The following PAPLN variants were observed in gnomAD, a reference collection of about 807,000 sequenced individuals.
The protein encoded by PAPLN is papilin.
Under a neutral mutation model 159.0 loss-of-function variants are expected in PAPLN, and 146 were observed. The observed-to-expected ratio is 0.92, with a 90% confidence interval of 0.80 to 1.05. The LOEUF is 1.05. Ranked by LOEUF, PAPLN falls within the 50% of genes least tolerant of loss-of-function variation. The probability of loss-of-function intolerance (pLI) is 0.00; values close to 1 mark genes in which losing one functional copy is unlikely to be tolerated. For missense variants in PAPLN, 1,720 were observed against 1,743.9 expected (o/e 0.99, Z 0.24); for synonymous variants, 734 against 702.9 (o/e 1.04, Z -0.70).
At chr14:73,259,645 G>A (rs1886338788) in intron 16 of PAPLN, 100 bp downstream of exon 16, 13 of 1,363,304 alleles carry the variant, frequency 9.5e-6, no homozygotes, top group Admixed American at 3.4e-5. Flanking sequence ...GCTGGGGTGG[G>A]TGTGCAGAGC....
intron 5 of PAPLN, among the ~76,000 whole-genome samples, chr14:73,246,613 C>A (rs1486812394): frequency 6.7e-6 from 1 of 148,762 alleles, no homozygotes; most frequent in Non-Finnish European, 1.5e-5. Context: ...CCTTTCCTTT[C>A]CTTTTTTTCT....
intron 25 of PAPLN, 180 bp from the exon 26 acceptor site, chr14:73,268,377 C>A: frequency 1.7e-6 from 1 of 574,474 alleles, no homozygotes; most frequent in Non-Finnish European, 2.9e-6. Context: ...GGGGCACCAT[C>A]ATCACCCAGT....
At position 73,245,539 on chromosome 14, in the gene PAPLN, G is replaced by A; in HGVS notation, c.171-97G>A. The A allele has an allele frequency of 1.5e-6, 2 of 1,361,902 alleles. No homozygotes were observed. Among genetic ancestry groups the A allele is most frequent in the East Asian group, 2.5e-5 (1 of 39,582 alleles). The allele number at this position is 1,361,902 out of a possible 1,614,324, so 84.4% of individuals were successfully genotyped here. On this transcript the variant is annotated intron_variant, in intron 3 of 26. Coordinates refer to ENST00000644200, the MANE Select transcript of PAPLN (RefSeq NM_001365906.3). This position sits in a 1 kb window ranked among gnomAD's most constrained non-coding sequence, Gnocchi z 4.2. The stretch of plus-strand genomic sequence containing the variant: ...ACCCTCTCACCTTGCTGCTCCCACT[G>A]GAGAGTCCCGCAGAAGTTGGGGCCT...
chr14:73,257,414 G>GC (rs1288424479), intron 14 of PAPLN, among the ~76,000 whole-genome samples: 1 of 151,108 alleles, frequency 6.6e-6, no homozygotes, highest in Admixed American at 6.6e-5. Context: ...TATTTCAGGG[G>GC]GGGTCCTACA....
At position 73,245,915 on chromosome 14, in the gene PAPLN, C is replaced by A; in HGVS notation, c.232-158C>A. 1.1e-6 allele frequency: 1 copy of A among 881,688 alleles called. No homozygotes were observed. Among genetic ancestry groups the A allele is most frequent in the Non-Finnish European group, 1.7e-6 (1 of 597,022 alleles). 54.6% of individuals were successfully genotyped at this position (881,688 alleles called of 1,614,324 possible). Reference sequence around the variant, plus strand: ...GCCTAGAGCACCATGGAGGGGCACGCACAGGAGTTCGGGGGTCCGGGGGGC... The same window carrying A: ...GCCTAGAGCACCATGGAGGGGCACGAACAGGAGTTCGGGGGTCCGGGGGGC... On this transcript the variant is annotated intron_variant, in intron 4 of 26. Coordinates refer to ENST00000644200, the MANE Select transcript of PAPLN (RefSeq NM_001365906.3). The surrounding 1 kb of genome is among the most constrained non-coding windows in gnomAD (Gnocchi z 4.2).
chr14:73,269,731 C>T (rs1887532614), intron 26 of PAPLN, among the ~76,000 whole-genome samples: 3 of 152,228 alleles, frequency 2.0e-5, no homozygotes, highest in Non-Finnish European at 4.4e-5. Flanking sequence ...CCAATTCTCA[C>T]AGGCCTGATA....
In PAPLN at chr14:73,245,830, C is replaced by T. The variant is rs1884190597; in HGVS notation, c.231+134C>T. On this transcript the variant is annotated intron_variant, in intron 4 of 26. Transcript: ENST00000644200. The surrounding 1 kb of genome is among the most constrained non-coding windows in gnomAD (Gnocchi z 4.2). ...CTGGGGTCCTCCCGCCAATCCACAG[C>T]AGGGCTGCGTGGGGGCCCCTTCCTC... 1 of 1,217,766 alleles carries T rather than the reference C, an allele frequency of 8.2e-7. No individual in the cohort carries two copies. The highest frequency in any genetic ancestry group is 1.1e-6 in the Non-Finnish European group (1 of 880,754). The allele number at this position is 1,217,766 out of a possible 1,614,324, so 75.4% of individuals were successfully genotyped here. A position where few individuals can be genotyped will look rare whatever the true frequency, so the allele number is the denominator to read the frequency against.
upstream of PAPLN, among the ~76,000 whole-genome samples, chr14:73,237,057 G>A (rs959283307): frequency 6.6e-6 from 1 of 152,176 alleles, no homozygotes; most frequent in African/African-American, 2.4e-5. Context: ...AGAGGTAGAG[G>A]GGATTGGGAG....
At chr14:73,259,930 A>G (rs1594814368) in intron 16 of PAPLN, among the ~76,000 whole-genome samples, 1 of 151,272 alleles carries the variant, frequency 6.6e-6, no homozygotes, top group Non-Finnish European at 1.5e-5. Context: ...AGCCCCGGCC[A>G]CTCCCGCCTT....
chr14:73,249,702 TG>T (rs1885020734), intron 5 of PAPLN: 1 of 160,834 alleles, frequency 6.2e-6, no homozygotes, highest in Non-Finnish European at 1.3e-5. Flanking sequence ...AAAAGTAGCC[TG>T]TTGTAACCAC....
In PAPLN at chr14:73,245,922, G is replaced by T; in HGVS notation, c.232-151G>T. The T allele has an allele frequency of 2.2e-6, 2 of 904,430 alleles. No homozygotes were observed. Among genetic ancestry groups the T allele is most frequent in the Non-Finnish European group, 3.2e-6 (2 of 618,446 alleles). The allele number at this position is 904,430 out of a possible 1,614,324, so 56.0% of individuals were successfully genotyped here. A position where few individuals can be genotyped will look rare whatever the true frequency, so the allele number is the denominator to read the frequency against. On this transcript the variant is annotated intron_variant, in intron 4 of 26. Transcript: ENST00000644200. The surrounding 1 kb of genome is among the most constrained non-coding windows in gnomAD (Gnocchi z 4.2). ...GCACCATGGAGGGGCACGCACAGGA[G>T]TTCGGGGGTCCGGGGGGCGGACTCC... is the stretch of plus-strand genomic sequence containing the variant.
rs753267306 is a variant in PAPLN at position 73,253,974 on chromosome 14, G to GC, written c.1302+16dup. On this transcript the variant is annotated intron_variant, in intron 12 of 26. Coordinates refer to ENST00000644200, the MANE Select transcript of PAPLN (RefSeq NM_001365906.3). ...GCCCTGGGGAGAGGTCAGGCCCCTG[G>GC]CCCGCATGGGGCTGGTGCTGGACCT... is the stretch of plus-strand genomic sequence containing the variant. The GC allele has an allele frequency of 7.5e-6, 12 of 1,603,190 alleles. No homozygotes were observed. The highest frequency in any genetic ancestry group is 1.0e-5 in the Non-Finnish European group (12 of 1,175,928).
chr14:73,262,363 G>T lies in PAPLN; in HGVS notation c.2259G>T (p.Arg753=), dbSNP rs1452065707. ...VGQPSHAYPV[R]CLLPSAHGSC... ...CATGCCCTGCAGCCTACCCCGTGCG[G>T]TGCCTGCTGCCCAGTGCCCATGGCT... The change falls in exon 19 of 27, where the codon CGG becomes CGT. Residue 753 remains arginine (R), a synonymous_variant. Transcript: ENST00000644200. The T allele has an allele frequency of 3.1e-6, 5 of 1,612,072 alleles. No homozygotes were observed. In the South Asian group the frequency reaches 3.3e-5, roughly 11 times the overall value.
Position 73,268,694 on chromosome 14 carries a change from G to A in PAPLN, c.3638G>A (p.Arg1213His), listed in dbSNP as rs144634209. 146 of 1,612,702 alleles carry A rather than the reference G, an allele frequency of 9.1e-5. No homozygotes were observed. Among genetic ancestry groups the A allele is most frequent in the Middle Eastern group, 1.6e-4 (1 of 6,078 alleles). Residue 1213 changes from arginine (R) to histidine (H), a missense_variant, in exon 26 of 27, where the codon CGC becomes CAC. By Grantham distance (29) the Arg-to-His change is conservative (BLOSUM62 0). Coordinates refer to ENST00000644200, the MANE Select transcript of PAPLN (RefSeq NM_001365906.3). ...SAYQGSQAVS[R>H]STEVKVVSPA... ...TACCAGGGGAGCCAGGCAGTCAGCC[G>A]CAGCACCGAGGTGAAGGTGGTCTCA...
In PAPLN at chr14:73,245,272, A is replaced by C. The variant is rs1201729102; in HGVS notation, c.171-364A>C. The C allele has an allele frequency of 7.9e-6, 2 of 253,846 alleles. No individual in the cohort carries two copies. The highest frequency in any genetic ancestry group is 7.7e-6 in the Non-Finnish European group (1 of 129,588). 15.7% of individuals were successfully genotyped at this position (253,846 alleles called of 1,614,324 possible). ...ATGTGAGGAGGAATGAGAGACCAGG[A>C]ATGATCCTAAGAGCCTTATACTGAT... On this transcript the variant is annotated intron_variant, in intron 3 of 26. Transcript: ENST00000644200. The surrounding 1 kb of genome is among the most constrained non-coding windows in gnomAD (Gnocchi z 4.2).
intron 6 of PAPLN, among the ~76,000 whole-genome samples, chr14:73,250,429 C>G (rs1196714720): frequency 2.6e-5 from 4 of 152,234 alleles, no homozygotes; most frequent in African/African-American, 9.6e-5. Context: ...TGCCACTCGG[C>G]TTTCCTCTCC....
At chr14:73,255,042 A>G (rs1345958884) in intron 14 of PAPLN, 24 bp downstream of exon 14, 1 of 1,601,874 alleles carries the variant, frequency 6.2e-7, no homozygotes, top group Admixed American at 1.7e-5. Flanking sequence ...GGCAGGGAGG[A>G]GTCCGGCCTC....
intron 11 of PAPLN, among the ~76,000 whole-genome samples, chr14:73,253,499 G>C (rs1203457096): frequency 6.6e-6 from 1 of 152,172 alleles, no homozygotes; most frequent in Non-Finnish European, 1.5e-5. Context: ...AGGAGAAAGG[G>C]GGATAGGGTT....
intron 11 of PAPLN, chr14:73,253,032 G>T: frequency 8.8e-7 from 1 of 1,137,108 alleles, no homozygotes; most frequent in Non-Finnish European, 1.2e-6. Context: ...AGGAGGGTTG[G>T]AGAAGGTTCC....
Sources: gnomAD v4.1 joint callset for allele counts (sites outside exome capture counted in the v4.1 genomes callset) on GRCh38, gnomAD v4.1.1 for gene constraint, Gnocchi (gnomAD v3.1) non-coding constraint, MANE v1.5 for transcripts, NCBI Gene and HGNC (gene_info 2026-07-23, HGNC 2026-07-21) for gene names.